ISM1: variants seen among roughly 807,000 people sequenced by gnomAD.
ISM1 encodes isthmin-1.
ISM1 carries 25 observed loss-of-function variants against 46.3 expected under a neutral mutation model. That is an observed-to-expected ratio of 0.54 (90% CI 0.39 to 0.75). The LOEUF is 0.75. ISM1 is among the 30% of genes least tolerant of loss of function. The pLI, the probability that ISM1 is intolerant of heterozygous loss-of-function variation, is 0.00. For synonymous variants in ISM1, 255 were observed against 256.7 expected (o/e 0.99, Z 0.06); for missense variants, 536 against 625.4 (o/e 0.86, Z 1.52).
At chr20:13,296,097 T>C (rs767337235) in intron 5 of ISM1, among the ~76,000 whole-genome samples, 6 of 152,212 alleles carry the variant, frequency 3.9e-5, no homozygotes, top group Non-Finnish European at 5.9e-5. Flanking sequence ...TCCACCACAG[T>C]TGGCTTCCTT....
chr20:13,288,772 G>T (rs766436097), intron 4 of ISM1, 89 bp downstream of exon 4: 1 of 1,338,332 alleles, frequency 7.5e-7, no homozygotes, highest in Non-Finnish European at 1.0e-6. Context: ...CTTTTTAAAA[G>T]ATGCACTACT....
the ISM1 span, among the ~76,000 whole-genome samples, chr20:13,310,130 C>G: frequency 6.6e-6 from 1 of 152,072 alleles, no homozygotes; most frequent in East Asian, 1.9e-4. Context: ...ACTAAATAGC[C>G]AAAGCAATCT....
chr20:13,283,106 T>A (rs2040255310), intron 3 of ISM1, among the ~76,000 whole-genome samples: 1 of 152,166 alleles, frequency 6.6e-6, no homozygotes, highest in Non-Finnish European at 1.5e-5. Context: ...AGTGGTGCGA[T>A]CATAGCTCAC....
chr20:13,300,980 C>A (rs1198758047), downstream of ISM1, among the ~76,000 whole-genome samples: 1 of 152,206 alleles, frequency 6.6e-6, no homozygotes, highest in Non-Finnish European at 1.5e-5. Flanking sequence ...TAGAACTACT[C>A]ATCATGAAAA....
intron 1 of ISM1, among the ~76,000 whole-genome samples, chr20:13,244,991 G>T (rs1358693193): frequency 6.6e-6 from 1 of 152,182 alleles, no homozygotes; most frequent in Admixed American, 6.5e-5. Context: ...TTTATAAAAT[G>T]TTCCTAAAGT....
At chr20:13,325,496 G>A in the ISM1 span, among the ~76,000 whole-genome samples, 8 of 149,430 alleles carry the variant, frequency 5.4e-5, no homozygotes, top group African/African-American at 1.9e-4. Flanking sequence ...TCTGCTACAG[G>A]AAAGGTGATA....
At chr20:13,297,416 CT>C (rs1339143440) in intron 5 of ISM1, among the ~76,000 whole-genome samples, 1 of 152,222 alleles carries the variant, frequency 6.6e-6, no homozygotes, top group Non-Finnish European at 1.5e-5. Flanking sequence ...TCTAATTCCC[CT>C]GCTCCCCTGC....
intron 3 of ISM1, among the ~76,000 whole-genome samples, chr20:13,284,568 C>T (rs1476977980): frequency 6.6e-6 from 1 of 152,212 alleles, no homozygotes; most frequent in Non-Finnish European, 1.5e-5. Flanking sequence ...CAGAAAGGAG[C>T]ACTGCCCTCA....
chr20:13,287,366 G>A (rs938692175), intron 3 of ISM1, among the ~76,000 whole-genome samples: 1 of 152,032 alleles, frequency 6.6e-6, no homozygotes, highest in African/African-American at 2.4e-5. Context: ...AACAACATGG[G>A]GAAACTGCCC....
intron 1 of ISM1, among the ~76,000 whole-genome samples, chr20:13,235,936 T>G (rs1316887551): frequency 1.3e-5 from 2 of 151,912 alleles, no homozygotes; most frequent in East Asian, 3.9e-4. Flanking sequence ...CCTTTTTTCT[T>G]TTTTTTGAAA....
intron 1 of ISM1, among the ~76,000 whole-genome samples, chr20:13,253,873 ATATATGTG>A (rs2039895765): frequency 6.6e-6 from 1 of 151,484 alleles, no homozygotes; most frequent in Non-Finnish European, 1.5e-5. Context: ...ATATATATAT[ATATATGTG>A]TGTGTGTATG....
downstream of ISM1, among the ~76,000 whole-genome samples, chr20:13,302,121 G>GACA: frequency 6.6e-6 from 1 of 152,016 alleles, no homozygotes; most frequent in South Asian, 2.1e-4. Flanking sequence ...AGGTATTTTT[G>GACA]TTAAGGATTT....
intron 1 of ISM1, among the ~76,000 whole-genome samples, chr20:13,241,177 C>T (rs962441848): frequency 7.2e-5 from 11 of 152,056 alleles, no homozygotes; most frequent in Admixed American, 2.6e-4. Flanking sequence ...AATGAGGTCA[C>T]CAACTGCTCT....
At chr20:13,269,514 C>G (rs1470098289) in intron 1 of ISM1, among the ~76,000 whole-genome samples, 1 of 152,224 alleles carries the variant, frequency 6.6e-6, no homozygotes, top group Non-Finnish European at 1.5e-5. Context: ...CCCTCCTTCT[C>G]TCTACAACAG....
the ISM1 span, among the ~76,000 whole-genome samples, chr20:13,306,891 T>C: frequency 6.6e-6 from 1 of 152,180 alleles, no homozygotes; most frequent in Admixed American, 6.5e-5. Context: ...CAGAATCTCC[T>C]GTCAAGAACA....
intron 1 of ISM1, among the ~76,000 whole-genome samples, chr20:13,262,000 C>T (rs1050410114): frequency 6.6e-6 from 1 of 152,160 alleles, no homozygotes; most frequent in African/African-American, 2.4e-5. Context: ...GTTCGACACC[C>T]GTTCCCTCTG....
intron 1 of ISM1, among the ~76,000 whole-genome samples, chr20:13,231,080 C>T (rs774208864): frequency 3.3e-5 from 5 of 152,186 alleles, no homozygotes; most frequent in African/African-American, 9.6e-5. Flanking sequence ...AAATAAATTA[C>T]TTGTTCTTTG....
At chr20:13,273,703 G>A (rs906702958) in intron 2 of ISM1, among the ~76,000 whole-genome samples, 2 of 152,176 alleles carry the variant, frequency 1.3e-5, no homozygotes, top group Non-Finnish European at 2.9e-5. Flanking sequence ...AATGTTATTG[G>A]CCAAATGGAT....
At chr20:13,315,662 C>T in the ISM1 span, among the ~76,000 whole-genome samples, 1 of 151,964 alleles carries the variant, frequency 6.6e-6, no homozygotes, top group Non-Finnish European at 1.5e-5. Flanking sequence ...TAATGGACAT[C>T]TATAGCCTAC....
Sources: allele counts gnomAD v4.1 joint callset (sites outside exome capture counted in the v4.1 genomes callset), GRCh38; gene constraint gnomAD v4.1.1; transcripts MANE v1.5; gene names NCBI Gene and HGNC (gene_info 2026-07-23, HGNC 2026-07-21).